The following SYNE1 variants were observed in gnomAD, a reference collection of about 807,000 sequenced individuals.
SYNE1 encodes the protein spectrin repeat containing nuclear envelope protein 1.
Under a neutral mutation model 1,111.0 loss-of-function variants are expected in SYNE1, and 616 were observed. The ratio of observed to expected loss-of-function variants is 0.55; its 90% CI spans 0.52 to 0.59. The LOEUF (loss-of-function observed/expected upper bound fraction) is 0.59, where lower values mean the gene tolerates loss of function less well. SYNE1 is among the 20% of genes least tolerant of loss of function. The pLI, the probability that SYNE1 is intolerant of heterozygous loss-of-function variation, is 0.00. For missense variants in SYNE1, 10,006 were observed against 10,417.0 expected, an observed-to-expected ratio of 0.96 and a Z score of 1.72; for synonymous variants, 3,855 against 3,825.8, an observed-to-expected ratio of 1.01 and a Z score of -0.28.
chr6:152,201,542 A>C (rs1166496177), intron 127 of SYNE1, among the ~76,000 whole-genome samples: 1 of 151,460 alleles, frequency 6.6e-6, no homozygotes, highest in Non-Finnish European at 1.5e-5. Flanking sequence ...TGGATGCTTC[A>C]AAAAAAATGA....
In SYNE1 at chr6:152,391,339, C is replaced by T; in HGVS notation, c.7942G>A (p.Ala2648Thr). The change falls in exon 52 of 146, where the codon GCC becomes ACC. Residue 2648 changes from alanine to threonine, a missense_variant. Ala to Thr is a moderately conservative substitution (Grantham distance 58). This residue lies in a region of SYNE1 where 4,955 missense variants were observed against 5,017.2 expected (regional missense o/e 0.99). Transcript: ENST00000367255. ...CTCCCAAGAGTGCTCTCTGCACAGG[C>T]CAGTCTGTCCTGAATGGCCTTCACC... ...FWVKAIQDRL[A>T]CAESTLGSKD... 6.2e-7 allele frequency: 1 copy of T among 1,614,096 alleles called. No homozygotes were observed. The highest frequency in any genetic ancestry group is 1.1e-5 in the South Asian group (1 of 91,086).
chr6:152,506,767 AT>A (rs1403172644), intron 8 of SYNE1, among the ~76,000 whole-genome samples: 1 of 152,100 alleles, frequency 6.6e-6, no homozygotes, highest in Non-Finnish European at 1.5e-5. Flanking sequence ...AACATTTTGT[AT>A]TATTCATCAT....
At chr6:152,229,825 A>G (rs1374034239) in intron 115 of SYNE1, among the ~76,000 whole-genome samples, 1 of 152,210 alleles carries the variant, frequency 6.6e-6, no homozygotes, top group Non-Finnish European at 1.5e-5. Flanking sequence ...GTTAACATAT[A>G]AAAGAAATTT....
At chr6:152,466,792 T>C (rs1287088276) in intron 16 of SYNE1, among the ~76,000 whole-genome samples, 1 of 152,134 alleles carries the variant, frequency 6.6e-6, no homozygotes, top group African/African-American at 2.4e-5. Context: ...AGATTATTAT[T>C]ACTTCTTGAA....
intron 116 of SYNE1, among the ~76,000 whole-genome samples, chr6:152,224,996 T>C (rs923769777): frequency 2.0e-5 from 3 of 148,426 alleles, no homozygotes; most frequent in Admixed American, 1.4e-4. Context: ...TATTTTTAAG[T>C]TATAAGAGGT....
At chr6:152,383,683 G>A (rs2097468364) in intron 55 of SYNE1, among the ~76,000 whole-genome samples, 1 of 151,978 alleles carries the variant, frequency 6.6e-6, no homozygotes, top group South Asian at 2.1e-4. Context: ...TGTTCTATTT[G>A]CTCTATACAT....
chr6:152,368,868 A>G, intron 61 of SYNE1, 104 bp downstream of exon 61: 1 of 1,443,874 alleles, frequency 6.9e-7, no homozygotes, highest in Non-Finnish European at 9.7e-7. Context: ...GGAGACCCAC[A>G]CTGTGGGCGG....
At chr6:152,316,567 A>G (rs2095728666) in intron 87 of SYNE1, 1 of 422,200 alleles carries the variant, frequency 2.4e-6, no homozygotes, top group Non-Finnish European at 4.3e-6. Flanking sequence ...TAATTATTTC[A>G]AAGAAGCTAC....
At chr6:152,463,844 A>G (rs1335035939) in intron 18 of SYNE1, among the ~76,000 whole-genome samples, 3 of 152,196 alleles carry the variant, frequency 2.0e-5, no homozygotes, top group South Asian at 2.1e-4. Context: ...CCTTCAGGCT[A>G]GTAAATACCA....
intron 32 of SYNE1, among the ~76,000 whole-genome samples, chr6:152,438,389 C>T (rs2098495897): frequency 6.6e-6 from 1 of 152,030 alleles, no homozygotes; most frequent in Non-Finnish European, 1.5e-5. Flanking sequence ...TTTATGTGAG[C>T]TATGTATGGA....
chr6:152,194,982 G>A (rs1256018687), intron 127 of SYNE1, among the ~76,000 whole-genome samples: 1 of 151,988 alleles, frequency 6.6e-6, no homozygotes, highest in Non-Finnish European at 1.5e-5. Context: ...GTGCAGTGGT[G>A]CAATCTTAGC....
At chr6:152,555,776 A>G (rs1400608524) in intron 3 of SYNE1, among the ~76,000 whole-genome samples, 1 of 152,246 alleles carries the variant, frequency 6.6e-6, no homozygotes, top group Non-Finnish European at 1.5e-5. Context: ...CTAAATTTCA[A>G]TGAGTTATAA....
At chr6:152,596,862 G>A (rs964386391) in intron 3 of SYNE1, among the ~76,000 whole-genome samples, 9 of 152,182 alleles carry the variant, frequency 5.9e-5, no homozygotes, top group African/African-American at 2.2e-4. Flanking sequence ...TACCAGAGCA[G>A]TTGGTTTATT....
At chr6:152,253,851 T>C (rs1371317622) in intron 104 of SYNE1, among the ~76,000 whole-genome samples, 5 of 107,884 alleles carry the variant, frequency 4.6e-5, no homozygotes, top group East Asian at 3.3e-4. Context: ...TTTTTTTTTT[T>C]TTTTTTTTTG....
intron 2 of SYNE1, among the ~76,000 whole-genome samples, chr6:152,634,198 C>T (rs942805241): frequency 2.0e-5 from 3 of 152,198 alleles, no homozygotes; most frequent in African/African-American, 7.2e-5. Flanking sequence ...GAAACTACTG[C>T]AGAAAATTTC....
intron 3 of SYNE1, among the ~76,000 whole-genome samples, chr6:152,600,808 T>C (rs1485580134): frequency 3.3e-5 from 5 of 152,176 alleles, no homozygotes; most frequent in Non-Finnish European, 5.9e-5. Context: ...ATAAAAGAGA[T>C]ACAGTCAGAA....
In SYNE1 at chr6:152,416,400, C is replaced by T. The variant is rs1170121625; in HGVS notation, c.6037G>A (p.Ala2013Thr). The T allele has an allele frequency of 1.2e-5, 19 of 1,614,086 alleles. No homozygotes were observed. Among genetic ancestry groups the T allele is most frequent in the Non-Finnish European group, 1.6e-5 (19 of 1,180,036 alleles). ...TTTCCTATTTACCTCTGCTGAAGAG[C>T]TTGGCGGGTAGGTTCTTTCAATCGC... ...KERLKEPTRQ[A>T]LQQRLRVFNQ... Residue 2013 changes from alanine to threonine, a missense_variant, in exon 41 of 146, where the codon GCT becomes ACT. Ala to Thr is a moderately conservative substitution (Grantham distance 58). This residue lies in a region of SYNE1 where 4,955 missense variants were observed against 5,017.2 expected (regional missense o/e 0.99). Transcript: ENST00000367255.
intron 84 of SYNE1, among the ~76,000 whole-genome samples, chr6:152,320,494 C>G (rs1376009999): frequency 1.3e-5 from 2 of 152,068 alleles, no homozygotes; most frequent in Non-Finnish European, 2.9e-5. Context: ...ACTTTAATAG[C>G]TTTAGCATTA....
chr6:152,453,466 G>T, intron 25 of SYNE1, 120 bp downstream of exon 25: 1 of 1,475,372 alleles, frequency 6.8e-7, no homozygotes, highest in Non-Finnish European at 9.4e-7. Flanking sequence ...TTTTAAATGA[G>T]CGAAATAGTT....
Sources: allele counts gnomAD v4.1 joint callset (sites outside exome capture counted in the v4.1 genomes callset), GRCh38; gene constraint gnomAD v4.1.1; regional missense constraint gnomAD v4.1.1; transcripts MANE v1.5; gene names NCBI Gene and HGNC (gene_info 2026-07-23, HGNC 2026-07-21).